Variants in RGMA observed in about 807,000 individuals in gnomAD.
RGMA encodes repulsive guidance molecule BMP co-receptor a, also known as repulsive guidance molecule A.
In RGMA, 10 loss-of-function variants were observed where a neutral mutation model predicts 23.2. The observed-to-expected ratio is 0.43, with a 90% CI of 0.27 to 0.73. The LOEUF is 0.73. Ranked by LOEUF, RGMA falls within the 30% of genes least tolerant of loss-of-function variation. The pLI, the probability that RGMA is intolerant of heterozygous loss-of-function variation, is 0.20. For synonymous variants in RGMA, 308 were observed against 279.3 expected (o/e 1.10, Z -1.03); for missense variants, 547 against 630.5 (o/e 0.87, Z 1.42).
intron 2 of RGMA, among the ~76,000 whole-genome samples, chr15:93,059,821 C>T (rs2055073119): frequency 6.6e-6 from 1 of 152,184 alleles, no homozygotes; most frequent in Non-Finnish European, 1.5e-5. Context: ...CTCAGAGAGG[C>T]CGATTTTTAT....
In RGMA at chr15:93,042,056, G is replaced by A. The variant is rs2054730951; in HGVS notation, c.*2942C>T. The A allele has an allele frequency of 2.0e-5, 3 of 152,406 alleles. No homozygotes were observed. Among genetic ancestry groups the A allele is most frequent in the African/African-American group, 7.2e-5 (3 of 41,456 alleles). The allele number at this position is 152,406 out of a possible 1,614,324, so 9.4% of individuals were successfully genotyped here. Reference sequence around the variant, plus strand: ...TGTGTGCCTGTAGTCCCAGCTACTTGGGAGGCTGAGGCAGGAGAATTGCTT... The same window carrying A: ...TGTGTGCCTGTAGTCCCAGCTACTTAGGAGGCTGAGGCAGGAGAATTGCTT... On this transcript the variant is annotated 3_prime_UTR_variant, in exon 4 of 4. Coordinates refer to ENST00000329082, the MANE Select transcript of RGMA (RefSeq NM_020211.3).
intron 1 of RGMA, among the ~76,000 whole-genome samples, chr15:93,077,196 C>T (rs1342234629): frequency 3.3e-5 from 5 of 151,966 alleles, no homozygotes; most frequent in Non-Finnish European, 5.9e-5. Context: ...TTGGGGGAGC[C>T]TGTGAAGCAC....
At chr15:93,082,399 C>T (rs1198191349) in intron 1 of RGMA, among the ~76,000 whole-genome samples, 1 of 152,198 alleles carries the variant, frequency 6.6e-6, no homozygotes, top group Non-Finnish European at 1.5e-5. Flanking sequence ...TTAACTATGC[C>T]ACGGGCACAG....
At chr15:93,066,379 C>G in intron 2 of RGMA, 15 of 697,186 alleles carry the variant, frequency 2.2e-5, no homozygotes, top group East Asian at 1.7e-4. Flanking sequence ...AGCTTGTTCG[C>G]GTGACTCCAG....
chr15:93,088,910 C>A lies in RGMA; in HGVS notation c.14+9G>T, dbSNP rs1362231796. ...AGCCGGGTCTGCCCGGCTCCCGACC[C>A]GCGCTTACCTTGGCGGCTGCATGAG... On this transcript the variant is annotated intron_variant, in intron 1 of 3. Coordinates refer to ENST00000329082, the MANE Select transcript of RGMA (RefSeq NM_020211.3). 5 of 1,469,250 alleles carry A rather than the reference C, an allele frequency of 3.4e-6. No homozygotes were observed. The highest frequency in any genetic ancestry group is 4.5e-6 in the Non-Finnish European group (5 of 1,120,000). 91.0% of individuals were successfully genotyped at this position (1,469,250 alleles called of 1,614,324 possible).
intron 1 of RGMA, among the ~76,000 whole-genome samples, chr15:93,082,613 C>T (rs1230286876): frequency 3.9e-5 from 6 of 152,134 alleles, no homozygotes; most frequent in Admixed American, 6.6e-5. Context: ...TGTAGAATGA[C>T]GGCTCATGCA....
intron 3 of RGMA, 107 bp downstream of exon 3, chr15:93,051,886 G>T: frequency 8.2e-7 from 1 of 1,214,264 alleles, no homozygotes; most frequent in South Asian, 1.4e-5. Flanking sequence ...GCTCCGCTCC[G>T]TCTTCCCCCA....
In RGMA at chr15:93,044,907, C is replaced by T. The variant is rs77763764; in HGVS notation, c.*91G>A. 1,487 of 1,115,000 alleles carry T rather than the reference C, an allele frequency of 1.3e-3. 12 individuals are homozygous for T. The African/African-American group carries it at 0.021, about 16-fold the overall frequency. 69.1% of individuals were successfully genotyped at this position (1,115,000 alleles called of 1,614,324 possible). ...GCGTTCTGCGGGGCCATGGTGGACA[C>T]GCCAGGAGATCTGCACCCCGTGGGC... On this transcript the variant is annotated 3_prime_UTR_variant, in exon 4 of 4. Transcript: ENST00000329082.
intron 1 of RGMA, among the ~76,000 whole-genome samples, chr15:93,083,409 C>T (rs937815648): frequency 4.6e-5 from 7 of 152,104 alleles, no homozygotes; most frequent in African/African-American, 4.8e-5. Flanking sequence ...CTCACTGCAA[C>T]CCCCGCTTCC....
At chr15:93,071,742 G>A (rs1010258851) in intron 2 of RGMA, among the ~76,000 whole-genome samples, 11 of 152,230 alleles carry the variant, frequency 7.2e-5, no homozygotes, top group Admixed American at 5.2e-4. Context: ...CCCAGTTGGC[G>A]GAAGAGCAAA....
intron 2 of RGMA, among the ~76,000 whole-genome samples, chr15:93,068,015 A>G (rs1169815814): frequency 1.3e-5 from 2 of 152,114 alleles, no homozygotes; most frequent in African/African-American, 2.4e-5. Context: ...GACTTCACAG[A>G]TCTGGACAGG....
At position 93,045,553 on chromosome 15, in the gene RGMA, T is replaced by C. The variant is rs755414044; in HGVS notation, c.798A>G (p.Ser266=). 2 of 1,613,210 alleles carry C rather than the reference T, an allele frequency of 1.2e-6. No homozygotes were observed. Among genetic ancestry groups the C allele is most frequent in the Admixed American group, 1.7e-5 (1 of 60,008 alleles). ...TGGCCTGGATCTCCACGTGCTGGCC[T>C]GACACCTTCTCAGTGATCTTCAGGC... is the stretch of plus-strand genomic sequence containing the variant. ...ANSLKITEKV[S]GQHVEIQAKY... The change falls in exon 4 of 4, where the codon TCA becomes TCG. Residue 266 remains serine (S), a synonymous_variant. Coordinates refer to ENST00000329082, the MANE Select transcript of RGMA (RefSeq NM_020211.3). The surrounding 1 kb of genome is among the most constrained non-coding windows in gnomAD (Gnocchi z 6.9).
Position 93,042,522 on chromosome 15 carries a change from A to G in RGMA, c.*2476T>C, listed in dbSNP as rs965663220. 1.3e-5 allele frequency: 2 copies of G among 152,944 alleles called. No homozygotes were observed. Among genetic ancestry groups the G allele is most frequent in the African/African-American group, 4.8e-5 (2 of 41,470 alleles). The allele number at this position is 152,944 out of a possible 1,614,324, so 9.5% of individuals were successfully genotyped here. A position where few individuals can be genotyped will look rare whatever the true frequency, so the allele number is the denominator to read the frequency against. ...GGTGAAGTGACTTGCCCATGGTCACACTGCTGGGGAGGTGGAGAAGCCAGG... is the reference window on the plus strand; with the variant it reads ...GGTGAAGTGACTTGCCCATGGTCACGCTGCTGGGGAGGTGGAGAAGCCAGG... On this transcript the variant is annotated 3_prime_UTR_variant, in exon 4 of 4. Transcript: ENST00000329082.
At chr15:93,054,575 C>T (rs1019391626) in intron 2 of RGMA, among the ~76,000 whole-genome samples, 1 of 152,356 alleles carries the variant, frequency 6.6e-6, no homozygotes, top group East Asian at 1.9e-4. Context: ...GCCTTTGCTT[C>T]TCCTTTGCCT....
intron 1 of RGMA, chr15:93,073,276 G>A: frequency 1.1e-6 from 1 of 881,454 alleles, no homozygotes; most frequent in Non-Finnish European, 1.4e-6. Flanking sequence ...TCGCGCTCGG[G>A]TTTCAGCGAG....
In RGMA at chr15:93,045,029, G is replaced by A. The variant is rs768402128; in HGVS notation, c.1322C>T (p.Pro441Leu). 2.6e-5 allele frequency: 41 copies of A among 1,600,174 alleles called. No individual in the cohort carries two copies. The highest frequency in any genetic ancestry group is 1.8e-4 in the Middle Eastern group (1 of 5,580). The change falls in exon 4 of 4, where the codon CCG becomes CTG. Residue 441 changes from proline (P) to leucine (L), a missense_variant. By Grantham distance (98) the Pro-to-Leu change is moderately conservative. Coordinates refer to ENST00000329082, the MANE Select transcript of RGMA (RefSeq NM_020211.3). This position sits in a 1 kb window ranked among gnomAD's most constrained non-coding sequence, Gnocchi z 6.9. ...GAACACAGGGAGCAGGGCCAGGAGC[G>A]GGACGAGGGCGCCCAGGAGGGGCCG... ...APRPLLGALV[P>L]LLALLPVFC
chr15:93,048,077 C>T (rs55699116), intron 3 of RGMA, among the ~76,000 whole-genome samples: 2 of 152,090 alleles, frequency 1.3e-5, no homozygotes, highest in Admixed American at 6.5e-5. Context: ...GGACCAGGTG[C>T]TAAGAGGCCT....
intron 1 of RGMA, among the ~76,000 whole-genome samples, chr15:93,078,353 GACA>G (rs1450037002): frequency 6.6e-6 from 1 of 152,146 alleles, no homozygotes. Flanking sequence ...CCAAGAATTT[GACA>G]ACATTTCTTG....
intron 1 of RGMA, among the ~76,000 whole-genome samples, chr15:93,081,328 G>C (rs554812900): frequency 1.3e-5 from 2 of 152,294 alleles, no homozygotes; most frequent in African/African-American, 4.8e-5. Context: ...CACTTCTGCA[G>C]TCCCCAAGTT....
Sources: gnomAD v4.1 joint callset for allele counts (sites outside exome capture counted in the v4.1 genomes callset) on GRCh38, gnomAD v4.1.1 for gene constraint, Gnocchi (gnomAD v3.1) non-coding constraint, MANE v1.5 for transcripts, NCBI Gene and HGNC (gene_info 2026-07-23, HGNC 2026-07-21) for gene names.